Variants in CC2D2A observed in about 807,000 individuals in gnomAD.
CC2D2A encodes coiled-coil and C2 domain-containing protein 2A.
In CC2D2A, 155 loss-of-function variants were observed where a neutral mutation model predicts 212.9. The observed-to-expected ratio is 0.73, with a 90% confidence interval of 0.64 to 0.83. The LOEUF is 0.83. Among genes scored for constraint, CC2D2A ranks in the 40% least tolerant of loss-of-function variants. The pLI, the probability that CC2D2A is intolerant of heterozygous loss-of-function variation, is 0.00. For synonymous variants in CC2D2A, 667 were observed against 686.5 expected (o/e 0.97, Z 0.44); for missense variants, 1,856 against 1,956.2 (o/e 0.95, Z 0.97).
chr4:15,547,688 T>G (rs1718781577), intron 17 of CC2D2A, among the ~76,000 whole-genome samples: 1 of 152,174 alleles, frequency 6.6e-6, no homozygotes, highest in South Asian at 2.1e-4. Flanking sequence ...AAATACCTAC[T>G]TAAAGCCCAA....
chr4:15,541,424 T>C (rs1390676441), intron 17 of CC2D2A, among the ~76,000 whole-genome samples: 2 of 152,186 alleles, frequency 1.3e-5, no homozygotes, highest in African/African-American at 4.8e-5. Flanking sequence ...TGGTTATAAA[T>C]ATGTCTCGAT....
At chr4:15,474,712 A>G (rs1714060445) in intron 1 of CC2D2A, among the ~76,000 whole-genome samples, 1 of 152,176 alleles carries the variant, frequency 6.6e-6, no homozygotes, top group Non-Finnish European at 1.5e-5. Flanking sequence ...CCATAAATAT[A>G]TACACCTACT....
At chr4:15,593,062 ATAAC>A (rs931092732) in intron 33 of CC2D2A, among the ~76,000 whole-genome samples, 8 of 152,340 alleles carry the variant, frequency 5.3e-5, no homozygotes, top group South Asian at 2.1e-4. Context: ...ATTTCTATAA[ATAAC>A]TAACTAAATA....
chr4:15,567,806 T>C lies in CC2D2A; in HGVS notation c.3398+20T>C. The C allele has an allele frequency of 2.0e-6, 3 of 1,489,342 alleles. No homozygotes were observed. The highest frequency in any genetic ancestry group is 2.7e-6 in the Non-Finnish European group (3 of 1,091,674). The allele number at this position is 1,489,342 out of a possible 1,614,324, so 92.3% of individuals were successfully genotyped here. A position where few individuals can be genotyped will look rare whatever the true frequency, so the allele number is the denominator to read the frequency against. On this transcript the variant is annotated intron_variant, in intron 26 of 36. Transcript: ENST00000424120. ...ATTTAGGTAAGCATATTTTCCTCTT[T>C]AAAGAACTATAGGACATTTTGAAGA...
At position 15,524,891 on chromosome 4, in the gene CC2D2A, C is replaced by G. The variant is rs572018469; in HGVS notation, c.1150-2556C>G. Among the ~76,000 whole-genome samples, 5 of 152,276 alleles carry G rather than the reference C, an allele frequency of 3.3e-5. No homozygotes were observed. In the South Asian group the frequency reaches 1.0e-3, roughly 32 times the overall value. ...ATCAATTTTAAAGTTAAAATATACT[C>G]TAAATATTATCCCTCCTTGGGAGTA... On this transcript the variant is annotated intron_variant, in intron 11 of 36. Transcript: ENST00000424120.
At chr4:15,551,822 T>A (rs1207351607) in intron 18 of CC2D2A, among the ~76,000 whole-genome samples, 2 of 152,202 alleles carry the variant, frequency 1.3e-5, no homozygotes, top group African/African-American at 4.8e-5. Context: ...TCTTGCTTCC[T>A]CATGTGTCTG....
intron 4 of CC2D2A, among the ~76,000 whole-genome samples, chr4:15,501,865 G>C (rs1715971719): frequency 6.6e-6 from 1 of 152,172 alleles, no homozygotes; most frequent in South Asian, 2.1e-4. Context: ...ATAGCTGCCT[G>C]ATAGTTCATG....
Position 15,516,212 on chromosome 4 carries a change from T to A in CC2D2A, c.1017+208T>A, listed in dbSNP as rs540791095. Reference sequence around the variant, plus strand: ...TAACTTCTCAACTGCTCAAAACCCATCTTTGCTAGCTAGATCTGGGCTTTT... The same window carrying A: ...TAACTTCTCAACTGCTCAAAACCCAACTTTGCTAGCTAGATCTGGGCTTTT... On this transcript the variant is annotated intron_variant, in intron 10 of 36. Transcript: ENST00000424120. Among the ~76,000 whole-genome samples, 4 of 152,240 alleles carry A rather than the reference T, an allele frequency of 2.6e-5. No individual in the cohort carries two copies. In the South Asian group the frequency reaches 8.3e-4, roughly 32 times the overall value.
intron 20 of CC2D2A, 72 bp from the exon 21 acceptor site, chr4:15,557,232 A>G: frequency 1.1e-6 from 1 of 944,788 alleles, no homozygotes; most frequent in Admixed American, 2.3e-5. Flanking sequence ...ATGTTCCTTG[A>G]CACTCAGTGC....
At chr4:15,474,532 A>G (rs554242055) in intron 1 of CC2D2A, among the ~76,000 whole-genome samples, 3 of 152,302 alleles carry the variant, frequency 2.0e-5, no homozygotes, top group East Asian at 1.9e-4. Flanking sequence ...TGATAACACA[A>G]TGAAAGGACT....
intron 6 of CC2D2A, among the ~76,000 whole-genome samples, chr4:15,504,489 G>A (rs1305488412): frequency 6.6e-6 from 1 of 152,172 alleles, no homozygotes; most frequent in African/African-American, 2.4e-5. Context: ...TAAGTGACAG[G>A]AGGTTCAGGT....
In CC2D2A at chr4:15,573,505, T is replaced by G. The variant is rs1390225429; in HGVS notation, c.3595-645T>G. Among the ~76,000 whole-genome samples, 3 of 152,144 alleles carry G rather than the reference T, an allele frequency of 2.0e-5. No homozygotes were observed. In the East Asian group the frequency reaches 5.8e-4, roughly 29 times the overall value. On this transcript the variant is annotated intron_variant, in intron 28 of 36. Coordinates refer to ENST00000424120, the MANE Select transcript of CC2D2A (RefSeq NM_001378615.1). ...GGAGTTTCACCTTGTTGGCCAGGCT[T>G]GTCTCAAACTCCTGACCTCAAGTGC... is the stretch of plus-strand genomic sequence containing the variant.
At chr4:15,547,995 C>T (rs1228018720) in intron 17 of CC2D2A, among the ~76,000 whole-genome samples, 1 of 152,034 alleles carries the variant, frequency 6.6e-6, no homozygotes, top group African/African-American at 2.4e-5. Context: ...GCCGAGATCA[C>T]TCCATTGCAC....
intron 6 of CC2D2A, among the ~76,000 whole-genome samples, chr4:15,503,400 A>C (rs1301387465): frequency 6.6e-6 from 1 of 152,204 alleles, no homozygotes; most frequent in South Asian, 2.1e-4. Flanking sequence ...CATTATCCCT[A>C]CAGGGCAGGT....
intron 24 of CC2D2A, among the ~76,000 whole-genome samples, chr4:15,565,875 G>T (rs1301131377): frequency 6.6e-6 from 1 of 152,168 alleles, no homozygotes; most frequent in Non-Finnish European, 1.5e-5. Flanking sequence ...GCCTCCCAAA[G>T]TGCTGGGAAT....
intron 15 of CC2D2A, 102 bp from the exon 16 acceptor site, chr4:15,537,797 G>C: frequency 8.2e-7 from 1 of 1,224,376 alleles, no homozygotes; most frequent in South Asian, 1.5e-5. Context: ...TGGTTGAAAT[G>C]GGGCTGGGGT....
intron 4 of CC2D2A, among the ~76,000 whole-genome samples, chr4:15,485,393 G>C (rs1014108294): frequency 2.6e-5 from 4 of 152,126 alleles, no homozygotes; most frequent in African/African-American, 7.2e-5. Flanking sequence ...TGGATACTTA[G>C]GTTAATTCCG....
rs189081625 is a variant in CC2D2A, at chr4:15,479,601, T to A, written c.123+795T>A. On this transcript the variant is annotated intron_variant, in intron 3 of 36. Coordinates refer to ENST00000424120, the MANE Select transcript of CC2D2A (RefSeq NM_001378615.1). The stretch of plus-strand genomic sequence containing the variant: ...CTGGGCAGAGGAGTCACTTTCAGCC[T>A]TTCAAGGGAGGGTCCAGGTGGTTGG... Among the ~76,000 whole-genome samples the A allele has an allele frequency of 5.7e-4, 86 of 152,180 alleles. 1 individual carries two copies. In the East Asian group the frequency reaches 0.011, roughly 19 times the overall value.
At chr4:15,517,540 T>G (rs1375114827) in intron 11 of CC2D2A, among the ~76,000 whole-genome samples, 1 of 152,168 alleles carries the variant, frequency 6.6e-6, no homozygotes, top group Non-Finnish European at 1.5e-5. Context: ...GCCATTAGTC[T>G]CTCATGCCTC....
Sources: allele counts gnomAD v4.1 joint callset (sites outside exome capture counted in the v4.1 genomes callset), GRCh38; gene constraint gnomAD v4.1.1; transcripts MANE v1.5; gene names NCBI Gene and HGNC (gene_info 2026-07-23, HGNC 2026-07-21).